Variants in CTNND2 observed in about 807,000 individuals in gnomAD.
CTNND2 encodes the protein catenin delta-2.
A neutral mutation model predicts 144.4 loss-of-function variants in CTNND2; 22 were observed. The observed-to-expected ratio is 0.15, with a 90% CI of 0.11 to 0.22. The LOEUF is 0.22. Ranked by LOEUF, CTNND2 falls within the 10% of genes least tolerant of loss-of-function variation. The pLI is 1.00. For missense variants in CTNND2, 1,353 were observed against 1,618.8 expected, an observed-to-expected ratio of 0.84 and a Z score of 2.82; for synonymous variants, 751 against 695.6, an observed-to-expected ratio of 1.08 and a Z score of -1.25.
intron 1 of CTNND2, among the ~76,000 whole-genome samples, chr5:11,753,708 GTCC>G (rs979019324): frequency 7.9e-5 from 12 of 151,620 alleles, no homozygotes; most frequent in African/African-American, 2.4e-4. Context: ...GGAGGAGTCT[GTCC>G]TCCTCAATTT....
At chr5:11,435,107 C>CT (rs1278099210) in intron 3 of CTNND2, among the ~76,000 whole-genome samples, 1 of 148,104 alleles carries the variant, frequency 6.8e-6, no homozygotes, top group African/African-American at 2.5e-5. Flanking sequence ...CAAACGTTTT[C>CT]TTTTTTACTA....
At chr5:11,583,919 A>G (rs1289057828) in intron 2 of CTNND2, among the ~76,000 whole-genome samples, 1 of 152,212 alleles carries the variant, frequency 6.6e-6, no homozygotes, top group African/African-American at 2.4e-5. Flanking sequence ...TTCTACAGAC[A>G]CAGCCTCACA....
At chr5:11,092,620 A>C (rs1371090075) in intron 15 of CTNND2, among the ~76,000 whole-genome samples, 9 of 152,126 alleles carry the variant, frequency 5.9e-5, no homozygotes, top group Non-Finnish European at 1.0e-4. Flanking sequence ...CCTGTGTCTG[A>C]GTGTACCATC....
rs1055415110 is a variant in CTNND2 at position 11,314,780 on chromosome 5, C to T, written c.1628+31592G>A. Among the ~76,000 whole-genome samples the T allele has an allele frequency of 7.9e-5, 12 of 152,270 alleles. No homozygotes were observed. The East Asian group carries it at 2.3e-3, about 29-fold the overall frequency. Reference sequence around the variant, plus strand: ...AGCAATGAGCTCTGACTCCTGGCTCCCACTACCCCTGAAGAAATGAATGTC... The same window carrying T: ...AGCAATGAGCTCTGACTCCTGGCTCTCACTACCCCTGAAGAAATGAATGTC... On this transcript the variant is annotated intron_variant, in intron 9 of 21. Transcript: ENST00000304623.
intron 16 of CTNND2, among the ~76,000 whole-genome samples, chr5:11,023,926 G>A (rs1194503209): frequency 6.6e-6 from 1 of 152,172 alleles, no homozygotes; most frequent in Non-Finnish European, 1.5e-5. Context: ...GTAAATGAGT[G>A]CCTGTAGCAA....
At chr5:11,498,046 T>G (rs1295347522) in intron 3 of CTNND2, among the ~76,000 whole-genome samples, 1 of 152,096 alleles carries the variant, frequency 6.6e-6, no homozygotes, top group Non-Finnish European at 1.5e-5. Context: ...ATGAAGTGCC[T>G]GAAATCAGGA....
chr5:11,579,430 C>A (rs892039155), intron 2 of CTNND2, among the ~76,000 whole-genome samples: 1 of 152,148 alleles, frequency 6.6e-6, no homozygotes, highest in Non-Finnish European at 1.5e-5. Flanking sequence ...TATTTTCAGT[C>A]ATAAAGAATA....
At chr5:11,394,122 G>A (rs1429732717) in intron 6 of CTNND2, among the ~76,000 whole-genome samples, 1 of 152,068 alleles carries the variant, frequency 6.6e-6, no homozygotes, top group African/African-American at 2.4e-5. Context: ...ACTCCCCCAT[G>A]CACTTTGGAT....
chr5:10,985,158 C>A (rs1441163943), intron 20 of CTNND2, among the ~76,000 whole-genome samples: 3 of 151,976 alleles, frequency 2.0e-5, no homozygotes, highest in Non-Finnish European at 4.4e-5. Flanking sequence ...AACAAACAGA[C>A]CATTGGATGA....
intron 2 of CTNND2, among the ~76,000 whole-genome samples, chr5:11,689,515 C>T (rs755208781): frequency 7.9e-5 from 12 of 152,152 alleles, no homozygotes; most frequent in Non-Finnish European, 1.0e-4. Flanking sequence ...ATACTGCATA[C>T]CCATTTCTTA....
intron 9 of CTNND2, among the ~76,000 whole-genome samples, chr5:11,248,333 A>G (rs1743214748): frequency 1.3e-5 from 2 of 149,924 alleles, no homozygotes; most frequent in Non-Finnish European, 3.0e-5. Context: ...ATGTTTTATT[A>G]TACATACATA....
intron 2 of CTNND2, among the ~76,000 whole-genome samples, chr5:11,572,745 C>T (rs1281713218): frequency 1.3e-5 from 2 of 152,132 alleles, no homozygotes; most frequent in Non-Finnish European, 2.9e-5. Flanking sequence ...CCCATCCTGT[C>T]TATAGATGAG....
At chr5:11,783,380 C>T (rs1467123506) in intron 1 of CTNND2, among the ~76,000 whole-genome samples, 1 of 152,010 alleles carries the variant, frequency 6.6e-6, no homozygotes, top group East Asian at 2.0e-4. Flanking sequence ...AACCATTCTT[C>T]TGCACCCTAC....
At chr5:11,409,752 C>T (rs932456738) in intron 5 of CTNND2, among the ~76,000 whole-genome samples, 2 of 152,036 alleles carry the variant, frequency 1.3e-5, no homozygotes, top group Non-Finnish European at 2.9e-5. Context: ...TTTGCAGGCA[C>T]TACTTTGACC....
At chr5:11,112,157 T>A (rs968075779) in intron 13 of CTNND2, among the ~76,000 whole-genome samples, 2 of 152,100 alleles carry the variant, frequency 1.3e-5, no homozygotes, top group Admixed American at 6.5e-5. Flanking sequence ...CAGGTCTACA[T>A]CTTAATCTCT....
Position 11,387,361 on chromosome 5 carries a change from T to C in CTNND2, c.613-2132A>G, listed in dbSNP as rs186427908. 2.2e-4 allele frequency among the ~76,000 whole-genome samples: 34 copies of C among 152,284 alleles called. No homozygotes were observed. The East Asian group carries it at 5.6e-3, about 25-fold the overall frequency. Reference sequence around the variant, plus strand: ...TTTTAACCAGTACTCTGGGTGATTATGGTGCTGGTCAAAGTTTGCCAACAC... The same window carrying C: ...TTTTAACCAGTACTCTGGGTGATTACGGTGCTGGTCAAAGTTTGCCAACAC... On this transcript the variant is annotated intron_variant, in intron 6 of 21. Transcript: ENST00000304623.
chr5:11,619,178 C>T (rs1168319027), intron 2 of CTNND2, among the ~76,000 whole-genome samples: 1 of 152,090 alleles, frequency 6.6e-6, no homozygotes, highest in African/African-American at 2.4e-5. Context: ...GAGGCCAAGA[C>T]GGGAGGATCA....
chr5:11,681,087 G>T (rs1319847114), intron 2 of CTNND2, among the ~76,000 whole-genome samples: 2 of 152,178 alleles, frequency 1.3e-5, no homozygotes, highest in Non-Finnish European at 2.9e-5. Context: ...AGAATGAGAT[G>T]CGAAGAAGAT....
intron 16 of CTNND2, among the ~76,000 whole-genome samples, chr5:11,059,022 T>G (rs1746637068): frequency 6.6e-6 from 1 of 152,236 alleles, no homozygotes; most frequent in South Asian, 2.1e-4. Context: ...TAGCTTGCTT[T>G]TGATTTTACA....
Sources: gnomAD v4.1 joint callset for allele counts (sites outside exome capture counted in the v4.1 genomes callset) on GRCh38, gnomAD v4.1.1 for gene constraint, MANE v1.5 for transcripts, NCBI Gene and HGNC (gene_info 2026-07-23, HGNC 2026-07-21) for gene names.